Variants in LGSN observed in about 807,000 individuals in gnomAD.
LGSN encodes lengsin.
A neutral mutation model predicts 19.5 loss-of-function variants in LGSN; 21 were observed. The observed-to-expected ratio is 1.07, with a 90% CI of 0.76 to 1.55. The LOEUF is 1.55. Among genes scored for constraint, LGSN ranks in the 40% most tolerant of loss-of-function variants. LGSN has a pLI of 0.00. For missense variants in LGSN, 673 were observed against 608.5 expected (o/e 1.11, Z -1.12); for synonymous variants, 257 against 215.6 (o/e 1.19, Z -1.68).
the LGSN span, among the ~76,000 whole-genome samples, chr6:63,469,982 C>T: frequency 3.9e-5 from 6 of 152,140 alleles, no homozygotes; most frequent in Admixed American, 2.6e-4. Context: ...TCCCAAAGTG[C>T]TGGGATTACA....
chr6:63,437,933 A>T, the LGSN span, among the ~76,000 whole-genome samples: 1 of 151,626 alleles, frequency 6.6e-6, no homozygotes, highest in Non-Finnish European at 1.5e-5. Context: ...ATCTCAAAAA[A>T]TATATATATA....
chr6:63,443,531 G>A, the LGSN span: 1 of 730,334 alleles, frequency 1.4e-6, no homozygotes, highest in Non-Finnish European at 1.8e-6. Flanking sequence ...GTGACAATGT[G>A]GTCCAGGGTC....
the LGSN span, among the ~76,000 whole-genome samples, chr6:63,541,979 C>T: frequency 6.6e-6 from 1 of 151,218 alleles, no homozygotes; most frequent in African/African-American, 2.4e-5. Context: ...ATAGAATTTC[C>T]TCCATGTTTT....
chr6:63,384,024 AG>A, the LGSN span, among the ~76,000 whole-genome samples: 12 of 152,288 alleles, frequency 7.9e-5, no homozygotes, highest in African/African-American at 2.6e-4. Flanking sequence ...TCAGTTCCCT[AG>A]ATTTCACCAC....
the LGSN span, chr6:63,549,173 C>A: frequency 1.5e-6 from 1 of 685,966 alleles, no homozygotes; most frequent in African/African-American, 1.8e-5. Flanking sequence ...CCAACAGCCT[C>A]TGTTTCTTCT....
At chr6:63,322,484 C>T (rs7745612), upstream of LGSN, among the ~76,000 whole-genome samples, 447 of 152,296 alleles carry the variant, frequency 2.9e-3, 3 homozygotes, top group African/African-American at 0.01. Context: ...TTCCACCCTA[C>T]CTTTCTCCCG....
the LGSN span, among the ~76,000 whole-genome samples, chr6:63,451,851 G>A: frequency 1.3e-5 from 2 of 151,968 alleles, no homozygotes. Flanking sequence ...CTGTTGATGT[G>A]TATTATTTTG....
At chr6:63,521,314 TGTC>T in the LGSN span, among the ~76,000 whole-genome samples, 1 of 152,210 alleles carries the variant, frequency 6.6e-6, no homozygotes, top group Non-Finnish European at 1.5e-5. Flanking sequence ...ATATCTGGCT[TGTC>T]GTATTCTAGC....
chr6:63,465,445 A>C, the LGSN span, among the ~76,000 whole-genome samples: 319 of 151,832 alleles, frequency 2.1e-3, 2 homozygotes, highest in African/African-American at 7.2e-3. Context: ...GCCTCCCAAA[A>C]TGCTGGGATT....
At chr6:63,401,068 C>A in the LGSN span, among the ~76,000 whole-genome samples, 1 of 151,812 alleles carries the variant, frequency 6.6e-6, no homozygotes, top group Admixed American at 6.6e-5. Flanking sequence ...ACTTTTATAC[C>A]AACCTGTCAT....
chr6:63,436,565 TC>T, the LGSN span, among the ~76,000 whole-genome samples: 568 of 152,330 alleles, frequency 3.7e-3, 2 homozygotes, highest in African/African-American at 0.013. Context: ...ATGTTTACCC[TC>T]CTACATTGCC....
chr6:63,522,236 G>A, the LGSN span, among the ~76,000 whole-genome samples: 15 of 152,082 alleles, frequency 9.9e-5, no homozygotes, highest in East Asian at 7.7e-4. Context: ...TACAATATAT[G>A]GCAAATTTTA....
At chr6:63,364,581 C>T in the LGSN span, among the ~76,000 whole-genome samples, 1 of 152,126 alleles carries the variant, frequency 6.6e-6, no homozygotes, top group African/African-American at 2.4e-5. Context: ...CTGCACCAAG[C>T]AAACCTAATA....
chr6:63,478,374 C>T, the LGSN span, among the ~76,000 whole-genome samples: 1,584 of 152,228 alleles, frequency 0.01, 9 homozygotes, highest in Non-Finnish European at 0.015. Flanking sequence ...TGCGGAGTGA[C>T]TGCTAATGGA....
the LGSN span, among the ~76,000 whole-genome samples, chr6:63,412,903 A>C: frequency 6.6e-6 from 1 of 150,884 alleles, no homozygotes; most frequent in African/African-American, 2.4e-5. Flanking sequence ...AAAGAGAGAG[A>C]GAGAAAGGAA....
the LGSN span, among the ~76,000 whole-genome samples, chr6:63,516,251 A>G: frequency 6.6e-6 from 1 of 152,200 alleles, no homozygotes; most frequent in Non-Finnish European, 1.5e-5. Flanking sequence ...CCACCTATCC[A>G]AAAGGTCAGC....
the LGSN span, among the ~76,000 whole-genome samples, chr6:63,350,019 T>C: frequency 6.6e-6 from 1 of 152,342 alleles, no homozygotes; most frequent in South Asian, 2.1e-4. Context: ...TTTGATTATT[T>C]GAAAGCATTT....
chr6:63,309,339 G>A (rs555756095), intron 1 of LGSN, among the ~76,000 whole-genome samples: 1 of 152,226 alleles, frequency 6.6e-6, no homozygotes, highest in South Asian at 2.1e-4. Flanking sequence ...GGCTGAAGCA[G>A]GAGAATTGCT....
chr6:63,383,077 G>A, the LGSN span, among the ~76,000 whole-genome samples: 1 of 152,098 alleles, frequency 6.6e-6, no homozygotes, highest in Admixed American at 6.6e-5. Context: ...TTCATGTTAA[G>A]AAGGAAAGCC....
Sources: gnomAD v4.1 joint callset for allele counts (sites outside exome capture counted in the v4.1 genomes callset) on GRCh38, gnomAD v4.1.1 for gene constraint, MANE v1.5 for transcripts, NCBI Gene and HGNC (gene_info 2026-07-23, HGNC 2026-07-21) for gene names.